The following REDIC1 variants were observed in gnomAD, a reference collection of about 807,000 sequenced individuals.
REDIC1 encodes regulator of DNA class I crossover intermediates 1.
At chr12:39,677,990 T>C in the REDIC1 span, among the ~76,000 whole-genome samples, 1 of 152,040 alleles carries the variant, frequency 6.6e-6, no homozygotes, top group Non-Finnish European at 1.5e-5. Flanking sequence ...TCAAAAAGTC[T>C]GGAAGTGCAC....
chr12:39,839,607 G>C, the REDIC1 span, among the ~76,000 whole-genome samples: 1 of 151,932 alleles, frequency 6.6e-6, no homozygotes. Flanking sequence ...CCCTTGTGCT[G>C]CTTGACACTA....
At chr12:39,659,482 T>C in the REDIC1 span, among the ~76,000 whole-genome samples, 1 of 152,092 alleles carries the variant, frequency 6.6e-6, no homozygotes, top group Non-Finnish European at 1.5e-5. Flanking sequence ...TTTTCTCTCA[T>C]TGTTTTATTT....
At chr12:39,861,001 C>T in the REDIC1 span, among the ~76,000 whole-genome samples, 3 of 152,216 alleles carry the variant, frequency 2.0e-5, no homozygotes, top group Non-Finnish European at 4.4e-5. Context: ...CATGATTTGG[C>T]TCTGATCTGT....
the REDIC1 span, among the ~76,000 whole-genome samples, chr12:39,884,167 C>T: frequency 6.6e-6 from 1 of 152,128 alleles, no homozygotes; most frequent in Admixed American, 6.5e-5. Context: ...TGGGGTCTCA[C>T]TATGTTGCTC....
chr12:39,688,386 G>A, the REDIC1 span, among the ~76,000 whole-genome samples: 2 of 152,180 alleles, frequency 1.3e-5, no homozygotes, highest in African/African-American at 2.4e-5. Context: ...GTCAAATTGG[G>A]AAGAAAGAGC....
the REDIC1 span, chr12:39,684,838 C>CT: frequency 1.3e-6 from 2 of 1,548,312 alleles, no homozygotes; most frequent in South Asian, 1.1e-5. Flanking sequence ...ACACAACAAA[C>CT]TTTGATACTG....
At chr12:39,627,178 T>A in the REDIC1 span, among the ~76,000 whole-genome samples, 2 of 152,240 alleles carry the variant, frequency 1.3e-5, no homozygotes, top group African/African-American at 4.8e-5. Flanking sequence ...GAAAGACAGC[T>A]TTTGTATTCA....
the REDIC1 span, among the ~76,000 whole-genome samples, chr12:39,778,612 A>G: frequency 6.6e-6 from 1 of 152,056 alleles, no homozygotes; most frequent in Non-Finnish European, 1.5e-5. Flanking sequence ...GTTATTATTA[A>G]CGTATTATTA....
chr12:39,894,475 A>G, the REDIC1 span, among the ~76,000 whole-genome samples: 1 of 152,020 alleles, frequency 6.6e-6, no homozygotes, highest in African/African-American at 2.4e-5. Context: ...TAAAGAGAAT[A>G]ACAAACAGGG....
chr12:39,783,700 C>T, the REDIC1 span, among the ~76,000 whole-genome samples: 2 of 152,102 alleles, frequency 1.3e-5, no homozygotes, highest in Admixed American at 1.3e-4. Context: ...ATCCTTTGCC[C>T]ACTTTTTGGG....
At chr12:39,831,208 A>C in the REDIC1 span, among the ~76,000 whole-genome samples, 1 of 152,172 alleles carries the variant, frequency 6.6e-6, no homozygotes, top group African/African-American at 2.4e-5. Flanking sequence ...AATGTAATGG[A>C]AACTGGGTAT....
the REDIC1 span, chr12:39,650,367 G>A: frequency 6.2e-7 from 1 of 1,602,614 alleles, no homozygotes; most frequent in South Asian, 1.1e-5. The surrounding 1 kb of genome is among the most constrained non-coding windows in gnomAD (Gnocchi z 4.3). Context: ...AAGCAAAGAT[G>A]CTGAAGGAAA....
At chr12:39,654,019 T>C in the REDIC1 span, among the ~76,000 whole-genome samples, 1 of 152,156 alleles carries the variant, frequency 6.6e-6, no homozygotes, top group Non-Finnish European at 1.5e-5. Flanking sequence ...GTTTTTATCA[T>C]GAGTTTTGTC....
the REDIC1 span, among the ~76,000 whole-genome samples, chr12:39,865,896 AG>A: frequency 1.3e-5 from 2 of 152,156 alleles, no homozygotes; most frequent in African/African-American, 2.4e-5. Flanking sequence ...GGTGGGAGAA[AG>A]GAGAAGATGA....
chr12:39,890,630 C>A, the REDIC1 span, among the ~76,000 whole-genome samples: 3 of 151,756 alleles, frequency 2.0e-5, no homozygotes, highest in Non-Finnish European at 4.4e-5. Flanking sequence ...TTAAGGTTTT[C>A]TTTTATTTTT....
the REDIC1 span, among the ~76,000 whole-genome samples, chr12:39,801,501 G>A: frequency 6.6e-6 from 1 of 152,030 alleles, no homozygotes; most frequent in South Asian, 2.1e-4. Context: ...ATTTCTCTTG[G>A]CACAGAATTA....
the REDIC1 span, among the ~76,000 whole-genome samples, chr12:39,686,155 C>T: frequency 5.9e-5 from 9 of 152,136 alleles, no homozygotes; most frequent in South Asian, 2.1e-4. Context: ...TGAAGGATGG[C>T]GGTCTTCTTC....
the REDIC1 span, among the ~76,000 whole-genome samples, chr12:39,680,159 A>C: frequency 6.6e-6 from 1 of 152,230 alleles, no homozygotes; most frequent in South Asian, 2.1e-4. Flanking sequence ...AAAAATCTGC[A>C]CAGCAAAAGA....
chr12:39,689,819 C>T, the REDIC1 span, among the ~76,000 whole-genome samples: 2 of 152,232 alleles, frequency 1.3e-5, no homozygotes. Flanking sequence ...TAGATGTATC[C>T]TCCCAAAAGA....
Sources: allele counts gnomAD v4.1 joint callset (sites outside exome capture counted in the v4.1 genomes callset), GRCh38; gene constraint gnomAD v4.1.1; non-coding constraint Gnocchi (gnomAD v3.1); transcripts MANE v1.5; gene names NCBI Gene and HGNC (gene_info 2026-07-23, HGNC 2026-07-21).